The following MTCH1 variants were observed in gnomAD, a reference collection of about 807,000 sequenced individuals.
The protein encoded by MTCH1 is mitochondrial carrier 1, also known as mitochondrial carrier homolog 1.
A neutral mutation model predicts 49.3 loss-of-function variants in MTCH1; 23 were observed. The ratio of observed to expected loss-of-function variants is 0.47; its 90% confidence interval spans 0.34 to 0.66. The LOEUF (loss-of-function observed/expected upper bound fraction) is 0.66. Ranked by LOEUF, MTCH1 falls within the 30% of genes least tolerant of loss-of-function variation. MTCH1 has a pLI of 0.01. For synonymous variants in MTCH1, 229 were observed against 215.2 expected, an observed-to-expected ratio of 1.06 and a Z score of -0.56; for missense variants, 397 against 532.1, an observed-to-expected ratio of 0.75 and a Z score of 2.50.
intron 7 of MTCH1, among the ~76,000 whole-genome samples, chr6:36,975,407 C>T (rs1185902908): frequency 6.6e-6 from 1 of 152,226 alleles, no homozygotes; most frequent in Non-Finnish European, 1.5e-5. Flanking sequence ...GGATGAGGCC[C>T]AGTGGGGCTG....
At chr6:36,978,717 T>C in intron 2 of MTCH1, 106 bp from the exon 3 acceptor site, 2 of 916,476 alleles carry the variant, frequency 2.2e-6, no homozygotes, top group Admixed American at 2.0e-5. Flanking sequence ...AGGTAACTGC[T>C]GACTACAGGC....
chr6:36,971,962 C>T (rs1174774000), intron 8 of MTCH1, among the ~76,000 whole-genome samples: 1 of 152,186 alleles, frequency 6.6e-6, no homozygotes, highest in Non-Finnish European at 1.5e-5. Context: ...TGTAGAAGGA[C>T]CAGGCCTTCC....
chr6:36,983,031 G>A (rs776615338), intron 1 of MTCH1, among the ~76,000 whole-genome samples: 1 of 152,170 alleles, frequency 6.6e-6, no homozygotes, highest in African/African-American at 2.4e-5. Context: ...GTGCTTTTTG[G>A]GATCAACCCT....
Position 36,978,601 on chromosome 6 carries a change from G to A in MTCH1, c.417C>T (p.Ile139=), listed in dbSNP as rs755385100. ...LPSFFTYAKY[I]VQVDGKIGLF... ...GCCCTATCTTACCATCCACTTGCACGATGTACTTGGCTGTAAGAAAACAGA... is the reference window on the plus strand; with the variant it reads ...GCCCTATCTTACCATCCACTTGCACAATGTACTTGGCTGTAAGAAAACAGA... The change falls in exon 3 of 12, where the codon ATC becomes ATT. Residue 139 remains isoleucine (I), a synonymous_variant. Transcript: ENST00000373627. The A allele has an allele frequency of 1.1e-5, 18 of 1,613,940 alleles. No individual in the cohort carries two copies. Among genetic ancestry groups the A allele is most frequent in the East Asian group, 8.9e-5 (4 of 44,866 alleles).
chr6:36,975,846 T>G (rs1763861693), intron 6 of MTCH1, 129 bp from the exon 7 acceptor site: 4 of 776,074 alleles, frequency 5.2e-6, no homozygotes, highest in Admixed American at 4.5e-5. Flanking sequence ...GGGAGGACTA[T>G]TACCATGAAG....
chr6:36,981,188 G>A (rs1764071529), intron 2 of MTCH1, among the ~76,000 whole-genome samples: 2 of 152,270 alleles, frequency 1.3e-5, no homozygotes, highest in Middle Eastern at 3.4e-3. Context: ...AAACTCAAGA[G>A]GACCCCCCGG....
chr6:36,986,088 C>A lies in MTCH1; in HGVS notation c.86G>T (p.Arg29Leu). 7.0e-7 allele frequency: 1 copy of A among 1,431,852 alleles called. No individual in the cohort carries two copies. The highest frequency in any genetic ancestry group is 1.4e-5 in the South Asian group (1 of 69,782). The allele number at this position is 1,431,852 out of a possible 1,614,324, so 88.7% of individuals were successfully genotyped here. ...CTCGACCCCCGCCGCCGCTCCGCCG[C>A]GAGCTCCGGCTCCAGCTCCGGCTCC... The part of the protein sequence containing the change: ...MAGAGAGAGA[R>L]GGAAAGVEAR... Residue 29 changes from arginine (R) to leucine (L), a missense_variant, in exon 1 of 12, where the codon CGC becomes CTC. Arg to Leu is a moderately radical substitution (Grantham distance 102). This residue lies in a region of MTCH1 where 145 missense variants were observed against 143.8 expected (regional missense o/e 1.01). Transcript: ENST00000373627.
At chr6:36,970,786 G>T in intron 8 of MTCH1, 92 bp from the exon 9 acceptor site, 1 of 1,380,574 alleles carries the variant, frequency 7.2e-7, no homozygotes, top group Non-Finnish European at 1.0e-6. Context: ...TCTGTGCTGA[G>T]CTCCTCACAA....
At chr6:36,971,627 C>G (rs1280730556) in intron 8 of MTCH1, among the ~76,000 whole-genome samples, 7 of 152,100 alleles carry the variant, frequency 4.6e-5, no homozygotes, top group Non-Finnish European at 8.8e-5. Context: ...GTCAAGTGGC[C>G]AGTCTCCCTG....
chr6:36,969,092 G>C, intron 11 of MTCH1, 118 bp from the exon 12 acceptor site: 1 of 1,474,724 alleles, frequency 6.8e-7, no homozygotes, highest in South Asian at 1.4e-5. Flanking sequence ...CAGCTCCGGG[G>C]TGGACGGCCT....
At position 36,968,438 on chromosome 6, in the gene MTCH1, A is replaced by AG. The variant is rs1159340542; in HGVS notation, c.*464dup. On this transcript the variant is annotated 3_prime_UTR_variant, in exon 12 of 12. Coordinates refer to ENST00000373627, the MANE Select transcript of MTCH1 (RefSeq NM_001271641.2). ...GCCATTTGCCTCCTAGCATAGGCCTAGACATGATGGTGGCCACGTGCCAGG... is the reference window on the plus strand; with the variant it reads ...GCCATTTGCCTCCTAGCATAGGCCTAGGACATGATGGTGGCCACGTGCCAGG... 1 of 331,356 alleles carries AG rather than the reference A, an allele frequency of 3.0e-6. No individual in the cohort carries two copies. Among genetic ancestry groups the AG allele is most frequent in the Non-Finnish European group, 6.0e-6 (1 of 167,560 alleles). 20.5% of individuals were successfully genotyped at this position (331,356 alleles called of 1,614,324 possible). A position where few individuals can be genotyped will look rare whatever the true frequency, so the allele number is the denominator to read the frequency against.
chr6:36,979,891 C>A (rs914665810), intron 2 of MTCH1, among the ~76,000 whole-genome samples: 1 of 152,170 alleles, frequency 6.6e-6, no homozygotes, highest in Admixed American at 6.5e-5. Context: ...AACTGAGGAA[C>A]AAGTGAGAGC....
chr6:36,969,538 C>A, intron 11 of MTCH1: 1 of 1,136,024 alleles, frequency 8.8e-7, no homozygotes, highest in South Asian at 2.0e-5. Flanking sequence ...ACACGAGAAC[C>A]CAAGGTTGGT....
intron 7 of MTCH1, among the ~76,000 whole-genome samples, chr6:36,973,009 G>T (rs188865825): frequency 1.3e-5 from 2 of 152,224 alleles, no homozygotes; most frequent in East Asian, 3.9e-4. Context: ...ATGCCGCTTT[G>T]GATGCCATAA....
intron 11 of MTCH1, chr6:36,969,237 A>G: frequency 1.0e-6 from 1 of 985,434 alleles, no homozygotes; most frequent in Non-Finnish European, 1.2e-6. Context: ...CTCTTGCTTC[A>G]GAGCCCAAGT....
intron 10 of MTCH1, 143 bp downstream of exon 10, chr6:36,970,263 C>G (rs1763633122): frequency 2.1e-6 from 3 of 1,439,846 alleles, no homozygotes; most frequent in Non-Finnish European, 2.9e-6. Context: ...GCTGGGAAAT[C>G]CCAGCGGAAG....
intron 1 of MTCH1, among the ~76,000 whole-genome samples, chr6:36,984,779 G>A (rs1764237233): frequency 6.6e-6 from 1 of 152,048 alleles, no homozygotes; most frequent in South Asian, 2.1e-4. Context: ...TCTGCCAAGT[G>A]CCTATGCATC....
intron 7 of MTCH1, among the ~76,000 whole-genome samples, chr6:36,975,126 C>T (rs1763824036): frequency 6.6e-6 from 1 of 152,222 alleles, no homozygotes; most frequent in Admixed American, 6.5e-5. Flanking sequence ...GGATGCTCTA[C>T]AGAAAGAACC....
chr6:36,976,058 C>T (rs1763868201), intron 6 of MTCH1, among the ~76,000 whole-genome samples: 1 of 152,168 alleles, frequency 6.6e-6, no homozygotes, highest in Non-Finnish European at 1.5e-5. Context: ...CTTACCCGGC[C>T]CTCACACTTA....
Sources: gnomAD v4.1 joint callset for allele counts (sites outside exome capture counted in the v4.1 genomes callset) on GRCh38, gnomAD v4.1.1 for gene constraint, gnomAD v4.1.1 regional missense constraint, MANE v1.5 for transcripts, NCBI Gene and HGNC (gene_info 2026-07-23, HGNC 2026-07-21) for gene names.